CERS3: variants seen among roughly 807,000 people sequenced by gnomAD.
The protein encoded by CERS3 is LAG1 homolog, ceramide synthase 3.
Under a neutral mutation model 50.3 loss-of-function variants are expected in CERS3, and 33 were observed. The observed-to-expected ratio is 0.66, with a 90% CI of 0.50 to 0.88. The LOEUF (loss-of-function observed/expected upper bound fraction) is 0.88, where lower values mean the gene tolerates loss of function less well. Ranked by LOEUF, CERS3 falls within the 40% of genes least tolerant of loss-of-function variation. The pLI, the probability that CERS3 is intolerant of heterozygous loss-of-function variation, is 0.00. For missense variants in CERS3, 470 were observed against 460.3 expected (o/e 1.02, Z -0.19); for synonymous variants, 176 against 155.2 (o/e 1.13, Z -0.99).
At chr15:100,486,153 T>C (rs1480876313) in intron 4 of CERS3, among the ~76,000 whole-genome samples, 1 of 152,186 alleles carries the variant, frequency 6.6e-6, no homozygotes, top group Non-Finnish European at 1.5e-5. Flanking sequence ...TTTAAACCAA[T>C]TGTGGATGAG....
At chr15:100,430,075 G>A (rs1284916469) in intron 11 of CERS3, among the ~76,000 whole-genome samples, 2 of 152,030 alleles carry the variant, frequency 1.3e-5, no homozygotes, top group African/African-American at 4.8e-5. Context: ...CACTTTGGGA[G>A]GCAGAGGTGG....
chr15:100,400,839 T>C lies in CERS3; in HGVS notation c.*1874A>G, dbSNP rs2030464636. On this transcript the variant is annotated 3_prime_UTR_variant, in exon 12 of 12. Coordinates refer to ENST00000679737, the MANE Select transcript of CERS3 (RefSeq NM_001378789.1). ...ATAATAATATAATATTAATAATAAG[T>C]CAATAGCTATACCCTAAAGTGGGTG... 1 of 152,010 alleles carries C rather than the reference T, an allele frequency of 6.6e-6. No homozygotes were observed. The allele number at this position is 152,010 out of a possible 1,614,324, so 9.4% of individuals were successfully genotyped here.
chr15:100,434,476 G>A (rs1033296038), intron 11 of CERS3, among the ~76,000 whole-genome samples: 3 of 152,170 alleles, frequency 2.0e-5, no homozygotes, highest in Non-Finnish European at 4.4e-5. Flanking sequence ...AAATGAAAAT[G>A]TTTGAAAAAC....
chr15:100,520,245 C>T (rs1001631880), intron 2 of CERS3, among the ~76,000 whole-genome samples: 7 of 152,200 alleles, frequency 4.6e-5, no homozygotes, highest in Non-Finnish European at 1.0e-4. Context: ...AGGCTCCTAG[C>T]AGAGCAGGAC....
At chr15:100,411,122 T>C (rs2031451324) in intron 11 of CERS3, among the ~76,000 whole-genome samples, 1 of 152,226 alleles carries the variant, frequency 6.6e-6, no homozygotes, top group Non-Finnish European at 1.5e-5. Context: ...TCAAGTTTCA[T>C]TCATGTTGTA....
At chr15:100,526,059 C>G (rs2036779278) in intron 1 of CERS3, among the ~76,000 whole-genome samples, 1 of 152,174 alleles carries the variant, frequency 6.6e-6, no homozygotes, top group Non-Finnish European at 1.5e-5. Flanking sequence ...TCTGTGTTCC[C>G]CTCTGCTATC....
At chr15:100,444,250 T>G (rs2033835703) in intron 11 of CERS3, among the ~76,000 whole-genome samples, 1 of 152,182 alleles carries the variant, frequency 6.6e-6, no homozygotes, top group Non-Finnish European at 1.5e-5. Flanking sequence ...TCTATTTTCT[T>G]CCTCACACCT....
intron 11 of CERS3, among the ~76,000 whole-genome samples, chr15:100,441,488 G>A (rs1158627183): frequency 4.7e-5 from 7 of 149,780 alleles, no homozygotes; most frequent in African/African-American, 1.5e-4. Context: ...CCTTCCCTCC[G>A]TGTCTCTACC....
intron 11 of CERS3, among the ~76,000 whole-genome samples, chr15:100,441,084 G>A (rs1596665260): frequency 6.6e-6 from 1 of 152,124 alleles, no homozygotes; most frequent in Non-Finnish European, 1.5e-5. Flanking sequence ...TTTTCTGGGG[G>A]AGGGGCAGGA....
At chr15:100,425,003 A>G (rs987031471) in intron 11 of CERS3, among the ~76,000 whole-genome samples, 1 of 146,258 alleles carries the variant, frequency 6.8e-6, no homozygotes, top group Non-Finnish European at 1.5e-5. Flanking sequence ...CAAGCCAAAA[A>G]CCTTGGCGGC....
intron 4 of CERS3, among the ~76,000 whole-genome samples, chr15:100,489,101 C>T (rs747341454): frequency 6.6e-6 from 1 of 152,142 alleles, no homozygotes; most frequent in Non-Finnish European, 1.5e-5. Context: ...TTACTGGATG[C>T]AAATGTCAAA....
chr15:100,463,048 T>C (rs192278137), intron 10 of CERS3, among the ~76,000 whole-genome samples: 1 of 152,316 alleles, frequency 6.6e-6, no homozygotes, highest in Non-Finnish European at 1.5e-5. Flanking sequence ...CAAATATGTA[T>C]ATTCATACAT....
At chr15:100,417,772 C>A (rs947655210) in intron 11 of CERS3, among the ~76,000 whole-genome samples, 4 of 151,796 alleles carry the variant, frequency 2.6e-5, no homozygotes, top group African/African-American at 9.7e-5. Context: ...GGTCCCTGAC[C>A]CCTGACCCCT....
intron 11 of CERS3, among the ~76,000 whole-genome samples, chr15:100,451,642 G>A (rs1184382805): frequency 6.6e-6 from 1 of 152,176 alleles, no homozygotes; most frequent in African/African-American, 2.4e-5. Context: ...GGGAGGCGGA[G>A]CTTGCAGTGA....
chr15:100,455,877 T>G lies in CERS3; in HGVS notation c.999+16A>C, dbSNP rs1307953522. Reference sequence around the variant, plus strand: ...GGCAATGACATTAAGAGCAATAATATTTGGACAGCCCTTACCTTCATGAAT... The same window carrying G: ...GGCAATGACATTAAGAGCAATAATAGTTGGACAGCCCTTACCTTCATGAAT... On this transcript the variant is annotated intron_variant, in intron 11 of 11. Coordinates refer to ENST00000679737, the MANE Select transcript of CERS3 (RefSeq NM_001378789.1). The G allele has an allele frequency of 6.4e-7, 1 of 1,568,112 alleles. No individual in the cohort carries two copies.
intron 11 of CERS3, among the ~76,000 whole-genome samples, chr15:100,452,020 T>C (rs1339693589): frequency 6.6e-6 from 1 of 152,132 alleles, no homozygotes; most frequent in African/African-American, 2.4e-5. Context: ...TCCAATACAA[T>C]AATAGTTGGA....
At chr15:100,479,390 G>C in intron 7 of CERS3, 38 bp downstream of exon 7, 1 of 1,489,458 alleles carries the variant, frequency 6.7e-7, no homozygotes, top group African/African-American at 1.4e-5. Context: ...GGATCTTGGT[G>C]TTCAAGTAAG....
intron 1 of CERS3, among the ~76,000 whole-genome samples, chr15:100,540,783 G>A (rs908281711): frequency 6.6e-6 from 1 of 152,156 alleles, no homozygotes; most frequent in Non-Finnish European, 1.5e-5. Context: ...CAGAAACACT[G>A]TTGGGTTGAC....
At chr15:100,420,706 C>G (rs972727260) in intron 11 of CERS3, among the ~76,000 whole-genome samples, 5 of 151,244 alleles carry the variant, frequency 3.3e-5, no homozygotes, top group Non-Finnish European at 5.9e-5. Flanking sequence ...AAAACGAATC[C>G]AGCAGCACAT....
Sources: gnomAD v4.1 joint callset for allele counts (sites outside exome capture counted in the v4.1 genomes callset) on GRCh38, gnomAD v4.1.1 for gene constraint, MANE v1.5 for transcripts, NCBI Gene and HGNC (gene_info 2026-07-23, HGNC 2026-07-21) for gene names.